DLGAP1: variants seen among roughly 807,000 people sequenced by gnomAD.
DLGAP1 encodes the protein DLG associated protein 1.
A neutral mutation model predicts 90.8 loss-of-function variants in DLGAP1; 11 were observed. The ratio of observed to expected loss-of-function variants is 0.12; its 90% CI spans 0.08 to 0.20. The LOEUF (loss-of-function observed/expected upper bound fraction) is 0.20. Among genes scored for constraint, DLGAP1 ranks in the 10% least tolerant of loss-of-function variants. The probability of loss-of-function intolerance (pLI) is 1.00; values close to 1 mark genes in which losing one functional copy is unlikely to be tolerated. For missense variants in DLGAP1, 1,050 were observed against 1,333.8 expected (o/e 0.79, Z 3.31); for synonymous variants, 558 against 540.7 (o/e 1.03, Z -0.44).
intron 7 of DLGAP1, among the ~76,000 whole-genome samples, chr18:3,670,050 C>T (rs183553382): frequency 4.6e-5 from 7 of 152,124 alleles, no homozygotes; most frequent in Non-Finnish European, 1.0e-4. Context: ...AACAAGGGAA[C>T]CTTTCCCATT....
rs142031329 is a variant in DLGAP1 at position 4,350,158 on chromosome 18, C to T, written c.-267+104848G>A. Among the ~76,000 whole-genome samples, 18 of 152,094 alleles carry T rather than the reference C, an allele frequency of 1.2e-4. No homozygotes were observed. The South Asian group carries it at 1.5e-3, about 12-fold the overall frequency. On this transcript the variant is annotated intron_variant, in intron 1 of 12. Transcript: ENST00000315677. Reference sequence around the variant, plus strand: ...GCTTCAGATATCTGTTGGTCACTTTCGATGATGAGAAAATAAAATATCCTG... The same window carrying T: ...GCTTCAGATATCTGTTGGTCACTTTTGATGATGAGAAAATAAAATATCCTG...
chr18:3,753,824 C>G (rs2063599084), intron 5 of DLGAP1, among the ~76,000 whole-genome samples: 1 of 152,162 alleles, frequency 6.6e-6, no homozygotes, highest in South Asian at 2.1e-4. Flanking sequence ...GATCACTAAA[C>G]TATGCTAATT....
At position 3,656,441 on chromosome 18, in the gene DLGAP1, G is replaced by T. The variant is rs190214402; in HGVS notation, c.1591+72694C>A. 2.7e-3 allele frequency among the ~76,000 whole-genome samples: 418 copies of T among 152,270 alleles called. 8 individuals carry two copies. Among genetic ancestry groups the T allele is most frequent in the Admixed American group, 0.026 (400 of 15,284 alleles). On this transcript the variant is annotated intron_variant, in intron 7 of 12. Transcript: ENST00000315677. ...TATACCAGATTATGGATCAATAAAA[G>T]TTCACACAATAGGATGCTAGGGACC...
intron 7 of DLGAP1, among the ~76,000 whole-genome samples, chr18:3,630,213 G>A (rs1353639159): frequency 2.0e-5 from 3 of 152,080 alleles, no homozygotes; most frequent in Non-Finnish European, 4.4e-5. Flanking sequence ...ATTGAAGACC[G>A]GAATAGAATA....
chr18:4,412,848 T>C (rs982792778), intron 1 of DLGAP1, among the ~76,000 whole-genome samples: 2 of 152,228 alleles, frequency 1.3e-5, no homozygotes, highest in African/African-American at 4.8e-5. Flanking sequence ...CACTCTGTCC[T>C]GGATAATACA....
chr18:4,051,345 G>C (rs1293045947), intron 2 of DLGAP1, among the ~76,000 whole-genome samples: 2 of 152,172 alleles, frequency 1.3e-5, no homozygotes, highest in East Asian at 1.9e-4. Context: ...AGTTCAGCAT[G>C]GCTGGGGAGG....
intron 10 of DLGAP1, among the ~76,000 whole-genome samples, chr18:3,522,158 CAG>C (rs1164168891): frequency 1.0e-5 from 1 of 97,812 alleles, no homozygotes; most frequent in African/African-American, 4.2e-5. Context: ...TTTTTTTAGA[CAG>C]AGTTTCACGC....
At chr18:3,757,453 AC>A (rs1298472449) in intron 5 of DLGAP1, among the ~76,000 whole-genome samples, 2 of 152,080 alleles carry the variant, frequency 1.3e-5, no homozygotes, top group African/African-American at 4.8e-5. Context: ...AAAGGAAACT[AC>A]CTACTAATAG....
intron 3 of DLGAP1, among the ~76,000 whole-genome samples, chr18:3,992,406 G>A (rs1389203578): frequency 2.0e-5 from 3 of 152,100 alleles, no homozygotes; most frequent in Non-Finnish European, 4.4e-5. Context: ...AGCTGGGTAC[G>A]GTGGTTTACG....
intron 4 of DLGAP1, among the ~76,000 whole-genome samples, chr18:3,875,361 C>T (rs1290477526): frequency 2.0e-5 from 3 of 152,138 alleles, no homozygotes; most frequent in East Asian, 1.9e-4. Flanking sequence ...AGCATTTGTG[C>T]CTGTTTTGTT....
At chr18:4,267,222 C>T (rs1294349261) in intron 1 of DLGAP1, among the ~76,000 whole-genome samples, 1 of 151,892 alleles carries the variant, frequency 6.6e-6, no homozygotes, top group Non-Finnish European at 1.5e-5. Context: ...ATCTAATGAG[C>T]CTAATATTAC....
chr18:3,789,105 C>G (rs1331868492), intron 5 of DLGAP1, among the ~76,000 whole-genome samples: 1 of 152,220 alleles, frequency 6.6e-6, no homozygotes, highest in East Asian at 1.9e-4. Flanking sequence ...TGGTGCTAGT[C>G]CTTGATTGAG....
chr18:4,434,971 A>C (rs1476023280), intron 1 of DLGAP1, among the ~76,000 whole-genome samples: 1 of 152,216 alleles, frequency 6.6e-6, no homozygotes, highest in Non-Finnish European at 1.5e-5. Context: ...ATTATACTTG[A>C]CCAGGTCATG....
intron 1 of DLGAP1, among the ~76,000 whole-genome samples, chr18:4,164,327 C>T (rs112184675): frequency 2.6e-5 from 4 of 152,132 alleles, no homozygotes; most frequent in East Asian, 1.9e-4. Flanking sequence ...TTGAGATGAA[C>T]CAGATGGTTA....
At chr18:3,513,719 A>C (rs1202488912) in intron 10 of DLGAP1, among the ~76,000 whole-genome samples, 1 of 152,236 alleles carries the variant, frequency 6.6e-6, no homozygotes, top group South Asian at 2.1e-4. Flanking sequence ...CATAATGAGA[A>C]GCAGAGAACA....
rs2056964548 is a variant in DLGAP1, at chr18:3,600,969, G to GATGTAT, written c.1592-18722_1592-18721insATACAT. Among the ~76,000 whole-genome samples, 2 of 87,504 alleles carry GATGTAT rather than the reference G, an allele frequency of 2.3e-5. 1 individual carries two copies. The highest frequency in any genetic ancestry group is 4.8e-5 in the Non-Finnish European group (2 of 41,772). 57.4% of individuals were successfully genotyped at this position (87,504 alleles called of 152,430 possible). On this transcript the variant is annotated intron_variant, in intron 7 of 12. Transcript: ENST00000315677. ...ATATATAGATATATATAGATATATA[G>GATGTAT]ATAGATATATAGATATAGATATATA...
At chr18:4,450,618 C>T (rs1349751969) in intron 1 of DLGAP1, among the ~76,000 whole-genome samples, 3 of 152,158 alleles carry the variant, frequency 2.0e-5, no homozygotes, top group Non-Finnish European at 2.9e-5. Context: ...TTCAGTAAGA[C>T]CACAACTCTG....
intron 1 of DLGAP1, among the ~76,000 whole-genome samples, chr18:4,310,606 A>G (rs2080375536): frequency 6.6e-6 from 1 of 152,178 alleles, no homozygotes; most frequent in East Asian, 1.9e-4. Context: ...ACAGGTTTAC[A>G]TACATTTTCT....
chr18:3,685,588 A>G (rs2060674010), intron 7 of DLGAP1, among the ~76,000 whole-genome samples: 1 of 144,778 alleles, frequency 6.9e-6, no homozygotes, highest in African/African-American at 2.6e-5. Flanking sequence ...AAAAAAAAAA[A>G]AAATCCAGAG....
Sources: gnomAD v4.1 joint callset for allele counts (sites outside exome capture counted in the v4.1 genomes callset) on GRCh38, gnomAD v4.1.1 for gene constraint, MANE v1.5 for transcripts, NCBI Gene and HGNC (gene_info 2026-07-23, HGNC 2026-07-21) for gene names.